Variants in EPHB2 observed in about 807,000 individuals in gnomAD.
EPHB2 encodes EPH receptor B2.
Under a neutral mutation model 96.4 loss-of-function variants are expected in EPHB2, and 18 were observed. The observed-to-expected ratio is 0.19, with a 90% confidence interval of 0.13 to 0.28. The LOEUF (loss-of-function observed/expected upper bound fraction) is 0.28, where lower values mean the gene tolerates loss of function less well. Among genes scored for constraint, EPHB2 ranks in the 10% least tolerant of loss-of-function variants. The probability of loss-of-function intolerance (pLI) is 1.00; values close to 1 mark genes in which losing one functional copy is unlikely to be tolerated. For synonymous variants in EPHB2, 506 were observed against 534.1 expected (o/e 0.95, Z 0.72); for missense variants, 989 against 1,355.4 (o/e 0.73, Z 4.25).
intron 3 of EPHB2, among the ~76,000 whole-genome samples, chr1:22,804,108 G>A (rs190361219): frequency 6.6e-6 from 1 of 152,112 alleles, no homozygotes; most frequent in African/African-American, 2.4e-5. Flanking sequence ...GGGCTTGTGC[G>A]GTCTCACAGA....
At chr1:22,814,127 G>C (rs184795448) in intron 3 of EPHB2, among the ~76,000 whole-genome samples, 1 of 151,994 alleles carries the variant, frequency 6.6e-6, no homozygotes, top group Non-Finnish European at 1.5e-5. Flanking sequence ...CCGAGATCGC[G>C]CCATTGCACT....
At chr1:22,837,914 C>CCCTTTCTAGGCCTCCCCCT (rs1645407918) in intron 3 of EPHB2, among the ~76,000 whole-genome samples, 1 of 150,912 alleles carries the variant, frequency 6.6e-6, no homozygotes. Flanking sequence ...CCCCTTCCCT[C>CCCTTTCTAGGCCTCCCCCT]CCTTTCTAGG....
intron 5 of EPHB2, among the ~76,000 whole-genome samples, chr1:22,867,355 T>G (rs941993275): frequency 6.6e-6 from 1 of 152,164 alleles, no homozygotes; most frequent in African/African-American, 2.4e-5. Context: ...GGGGATATTG[T>G]GTATTTGAGC....
chr1:22,833,288 T>G (rs1371718468), intron 3 of EPHB2, among the ~76,000 whole-genome samples: 1 of 152,138 alleles, frequency 6.6e-6, no homozygotes, highest in Admixed American at 6.5e-5. Flanking sequence ...CTGGCTAATT[T>G]TTGTATTTTT....
chr1:22,742,499 C>G (rs1465993983), intron 1 of EPHB2, among the ~76,000 whole-genome samples: 1 of 152,086 alleles, frequency 6.6e-6, no homozygotes, highest in Non-Finnish European at 1.5e-5. Flanking sequence ...CTTCCTTTCT[C>G]TCTTTCTTCC....
chr1:22,827,991 G>A (rs1557698872), intron 3 of EPHB2, among the ~76,000 whole-genome samples: 1 of 152,218 alleles, frequency 6.6e-6, no homozygotes, highest in Admixed American at 6.5e-5. Flanking sequence ...TCATGTGTGT[G>A]TCCACACAGC....
chr1:22,864,136 C>G (rs1283073113), intron 4 of EPHB2, among the ~76,000 whole-genome samples: 2 of 151,798 alleles, frequency 1.3e-5, no homozygotes, highest in Non-Finnish European at 2.9e-5. Context: ...ACTTCCACCT[C>G]CCGGGTTCAA....
chr1:22,840,405 T>C (rs1645448801), intron 3 of EPHB2, among the ~76,000 whole-genome samples: 1 of 152,170 alleles, frequency 6.6e-6, no homozygotes, highest in African/African-American at 2.4e-5. Context: ...AAATCAAGCC[T>C]AGTAGTGACC....
intron 1 of EPHB2, among the ~76,000 whole-genome samples, chr1:22,766,790 C>T (rs1192346114): frequency 6.6e-6 from 1 of 152,210 alleles, no homozygotes; most frequent in Non-Finnish European, 1.5e-5. Context: ...AATTTCTGAG[C>T]CTGCTCCCAG....
rs76135592 is a variant in EPHB2, at chr1:22,795,949, G to A, written c.811+10873G>A. Among the ~76,000 whole-genome samples the A allele has an allele frequency of 5.4e-4, 83 of 152,314 alleles. No homozygotes were observed. The East Asian group carries it at 0.012, about 23-fold the overall frequency. On this transcript the variant is annotated intron_variant, in intron 3 of 15. Coordinates refer to ENST00000374630, the MANE Select transcript of EPHB2 (RefSeq NM_017449.5). The stretch of plus-strand genomic sequence containing the variant: ...ACACGAGCCACGTGTTCTCAGGTCT[G>A]TGAGGAGCTCACACTGAGGCTGGCC...
intron 6 of EPHB2, among the ~76,000 whole-genome samples, chr1:22,888,512 G>A (rs1194272495): frequency 5.9e-5 from 9 of 152,178 alleles, no homozygotes; most frequent in African/African-American, 2.2e-4. Flanking sequence ...AGAAAACTGA[G>A]GCCTGGAAGG....
chr1:22,770,070 G>A (rs1644357618), intron 1 of EPHB2, among the ~76,000 whole-genome samples: 2 of 152,102 alleles, frequency 1.3e-5, no homozygotes, highest in African/African-American at 4.8e-5. Context: ...GCTTGGATTG[G>A]GTGATTTGAC....
intron 1 of EPHB2, 91 bp downstream of exon 1, chr1:22,711,134 A>T (rs1430460097): frequency 2.8e-5 from 4 of 144,610 alleles, no homozygotes; most frequent in African/African-American, 1.0e-4. Context: ...CGCGGCCCGC[A>T]AAGTTTGCCC....
In EPHB2 at chr1:22,915,465, G is replaced by A. The variant is rs950069183; in HGVS notation, c.*1895G>A. 2 of 152,208 alleles carry A rather than the reference G, an allele frequency of 1.3e-5. No individual in the cohort carries two copies. The highest frequency in any genetic ancestry group is 2.9e-5 in the Non-Finnish European group (2 of 68,046). The allele number at this position is 152,208 out of a possible 1,614,324, so 9.4% of individuals were successfully genotyped here. A position where few individuals can be genotyped will look rare whatever the true frequency, so the allele number is the denominator to read the frequency against. On this transcript the variant is annotated 3_prime_UTR_variant, in exon 16 of 16. Transcript: ENST00000374630. ...AAAGCCCAGGGCAGAGAAAACACAT[G>A]GAGAACGACAGCTCCACGTGGCCTT...
intron 9 of EPHB2, among the ~76,000 whole-genome samples, chr1:22,904,292 C>CAA (rs3053666): frequency 0.037 from 4,775 of 129,958 alleles, 267 homozygotes; most frequent in African/African-American, 0.12. Context: ...GAACCTGTCT[C>CAA]AAAAAAAAAA....
In EPHB2 at chr1:22,916,529, C is replaced by A. The variant is rs1640274089; in HGVS notation, c.*2959C>A. ...CCACCCACCCCACCCGCTACCGGGGCAGTCGCCCCGCCCCAACCTCTTGCT... is the reference window on the plus strand; with the variant it reads ...CCACCCACCCCACCCGCTACCGGGGAAGTCGCCCCGCCCCAACCTCTTGCT... On this transcript the variant is annotated 3_prime_UTR_variant, in exon 16 of 16. Coordinates refer to ENST00000374630, the MANE Select transcript of EPHB2 (RefSeq NM_017449.5). This position sits in a 1 kb window ranked among gnomAD's most constrained non-coding sequence, Gnocchi z 4.2. 1 of 104,548 alleles carries A rather than the reference C, an allele frequency of 9.6e-6. No homozygotes were observed. The highest frequency in any genetic ancestry group is 2.1e-5 in the Non-Finnish European group (1 of 48,122). The allele number at this position is 104,548 out of a possible 1,614,324, so 6.5% of individuals were successfully genotyped here.
chr1:22,863,028 C>T lies in EPHB2; in HGVS notation c.812-9C>T. On this transcript the variant is annotated splice_polypyrimidine_tract_variant and intron_variant, in intron 3 of 15. Coordinates refer to ENST00000374630, the MANE Select transcript of EPHB2 (RefSeq NM_017449.5). ...GTTTCCTGGTGACTCTCCTTGTCTT[C>T]TCTCTCAGGTTGTCCATCTGGGACT... 6.2e-7 allele frequency: 1 copy of T among 1,613,992 alleles called. No homozygotes were observed. The highest frequency in any genetic ancestry group is 8.5e-7 in the Non-Finnish European group (1 of 1,179,842).
In EPHB2 at chr1:22,917,676, CA is replaced by C. The variant is rs1421709585; in HGVS notation, c.*4107del. 6.6e-6 allele frequency: 1 copy of C among 152,340 alleles called. No homozygotes were observed. The highest frequency in any genetic ancestry group is 2.4e-5 in the African/African-American group (1 of 41,428). The allele number at this position is 152,340 out of a possible 1,614,324, so 9.4% of individuals were successfully genotyped here. The stretch of plus-strand genomic sequence containing the variant: ...CATATTTTGGGGGGAAACTGAGGCT[CA>C]GGGGGATGAAGTACTTTGCTCAGGG... On this transcript the variant is annotated 3_prime_UTR_variant, in exon 16 of 16. Coordinates refer to ENST00000374630, the MANE Select transcript of EPHB2 (RefSeq NM_017449.5).
chr1:22,840,260 T>A (rs1645446847), intron 3 of EPHB2, among the ~76,000 whole-genome samples: 1 of 152,120 alleles, frequency 6.6e-6, no homozygotes, highest in Non-Finnish European at 1.5e-5. Flanking sequence ...AAAAATAATA[T>A]TTATTGAAGG....
Sources: gnomAD v4.1 joint callset for allele counts (sites outside exome capture counted in the v4.1 genomes callset) on GRCh38, gnomAD v4.1.1 for gene constraint, Gnocchi (gnomAD v3.1) non-coding constraint, MANE v1.5 for transcripts, NCBI Gene and HGNC (gene_info 2026-07-23, HGNC 2026-07-21) for gene names.